The following TGFBRAP1 variants were observed in gnomAD, a reference collection of about 807,000 sequenced individuals.
The protein encoded by TGFBRAP1 is transforming growth factor beta receptor associated protein 1.
Under a neutral mutation model 83.2 loss-of-function variants are expected in TGFBRAP1, and 20 were observed. The ratio of observed to expected loss-of-function variants is 0.24; its 90% CI spans 0.17 to 0.35. The LOEUF (loss-of-function observed/expected upper bound fraction) is 0.35. Among genes scored for constraint, TGFBRAP1 ranks in the 10% least tolerant of loss-of-function variants. The pLI is 1.00. For missense variants in TGFBRAP1, 950 were observed against 1,099.4 expected (o/e 0.86, Z 1.92); for synonymous variants, 415 against 459.8 (o/e 0.90, Z 1.25).
intron 1 of TGFBRAP1, among the ~76,000 whole-genome samples, chr2:105,315,924 T>C (rs1384803441): frequency 6.6e-6 from 1 of 152,172 alleles, no homozygotes; most frequent in Non-Finnish European, 1.5e-5. Flanking sequence ...CTTATTCATA[T>C]TACCCAAAAA....
At chr2:105,319,993 A>G (rs914116447) in intron 1 of TGFBRAP1, among the ~76,000 whole-genome samples, 8 of 152,060 alleles carry the variant, frequency 5.3e-5, no homozygotes, top group Admixed American at 4.6e-4. Flanking sequence ...AGAGATAAAT[A>G]TATTCTGCCA....
chr2:105,307,589 A>G, intron 2 of TGFBRAP1, 25 bp downstream of exon 2: 1 of 1,576,776 alleles, frequency 6.3e-7, no homozygotes, highest in Non-Finnish European at 8.6e-7. Context: ...CAAAAAGATC[A>G]GGCGCACAAA....
At chr2:105,274,223 G>A (rs529461432) in intron 8 of TGFBRAP1, among the ~76,000 whole-genome samples, 7 of 152,142 alleles carry the variant, frequency 4.6e-5, no homozygotes, top group African/African-American at 1.2e-4. Context: ...GTAAGTTTCC[G>A]GGCTGCCTTC....
Position 105,264,724 on chromosome 2 carries a change from G to A in TGFBRAP1, c.*2659C>T, listed in dbSNP as rs1676863885. The A allele has an allele frequency of 6.6e-6, 1 of 152,224 alleles. No individual in the cohort carries two copies. Among genetic ancestry groups the A allele is most frequent in the South Asian group, 2.1e-4 (1 of 4,830 alleles). The allele number at this position is 152,224 out of a possible 1,614,324, so 9.4% of individuals were successfully genotyped here. On this transcript the variant is annotated 3_prime_UTR_variant, in exon 12 of 12. Transcript: ENST00000393359. ...GTTGAACTCAGCCCAGTGCAACGCA[G>A]CCTGAGTGACATCCCTACATTAATA...
chr2:105,321,498 C>A (rs1339873106), intron 1 of TGFBRAP1, among the ~76,000 whole-genome samples: 1 of 152,032 alleles, frequency 6.6e-6, no homozygotes, highest in Non-Finnish European at 1.5e-5. Context: ...TTCTATTTTG[C>A]CATTTTAATA....
chr2:105,299,961 TGTA>T (rs1678228498), intron 2 of TGFBRAP1, among the ~76,000 whole-genome samples: 1 of 152,210 alleles, frequency 6.6e-6, no homozygotes, highest in African/African-American at 2.4e-5. Context: ...CTATTGTTTC[TGTA>T]GTGCTGCAGG....
rs538331181 is a variant in TGFBRAP1 at position 105,269,146 on chromosome 2, T to C, written c.2406+126A>G. 3.3e-5 allele frequency: 39 copies of C among 1,199,182 alleles called. No individual in the cohort carries two copies. The Admixed American group carries it at 3.8e-4, about 12-fold the overall frequency. The allele number at this position is 1,199,182 out of a possible 1,614,324, so 74.3% of individuals were successfully genotyped here. On this transcript the variant is annotated intron_variant, in intron 11 of 11. Coordinates refer to ENST00000393359, the MANE Select transcript of TGFBRAP1 (RefSeq NM_004257.6). The surrounding 1 kb of genome is among the most constrained non-coding windows in gnomAD (Gnocchi z 4.1). ...CAGTTTCTATGAGTAGGATCAGATA[T>C]TGATGTGTTGTAGTCATAGAGACAG...
At chr2:105,301,775 T>C (rs1007528285) in intron 2 of TGFBRAP1, among the ~76,000 whole-genome samples, 5 of 152,144 alleles carry the variant, frequency 3.3e-5, no homozygotes, top group Admixed American at 6.5e-5. Context: ...TTGCACAGGC[T>C]GGAGTGTAGT....
At chr2:105,283,589 G>A (rs1050563397) in intron 5 of TGFBRAP1, among the ~76,000 whole-genome samples, 14 of 152,218 alleles carry the variant, frequency 9.2e-5, no homozygotes, top group African/African-American at 3.4e-4. Context: ...CTCATAGCAG[G>A]TCTAACTTAA....
intron 4 of TGFBRAP1, among the ~76,000 whole-genome samples, chr2:105,290,677 T>A (rs1017555605): frequency 8.6e-5 from 13 of 151,396 alleles, no homozygotes; most frequent in Non-Finnish European, 1.9e-4. Context: ...GTTTTCTTTG[T>A]GGATTCTGGG....
rs768922789 is a variant in TGFBRAP1, at chr2:105,273,554, T to C, written c.1802A>G (p.Lys601Arg). The change falls in exon 9 of 12, where the codon AAG becomes AGG. Residue 601 changes from lysine (K) to arginine (R), a missense_variant. Transcript: ENST00000393359. ...VKYLEHLVID[K>R]RLQKEEYHTH... is the part of the protein sequence containing the mutation. The stretch of plus-strand genomic sequence containing the variant: ...TTCTGCAGTGCTCACCTGCAGTCTC[T>C]TGTCTATCACAAGATGTTCCAGATA... 16 of 1,614,030 alleles carry C rather than the reference T, an allele frequency of 9.9e-6. No individual in the cohort carries two copies. The highest frequency in any genetic ancestry group is 3.3e-5 in the South Asian group (3 of 91,060).
At chr2:105,303,185 C>G (rs1678361049) in intron 2 of TGFBRAP1, among the ~76,000 whole-genome samples, 1 of 152,222 alleles carries the variant, frequency 6.6e-6, no homozygotes, top group African/African-American at 2.4e-5. Context: ...GTCCCAGCTA[C>G]CTGGGAAGCT....
At chr2:105,320,151 G>A (rs1679012831) in intron 1 of TGFBRAP1, among the ~76,000 whole-genome samples, 1 of 152,038 alleles carries the variant, frequency 6.6e-6, no homozygotes, top group African/African-American at 2.4e-5. Context: ...TGTCCTACGT[G>A]TCTGCAAAAA....
At position 105,328,329 on chromosome 2, in the gene TGFBRAP1, CTT is replaced by C. The variant is rs1478291404; in HGVS notation, c.-18+1294_-18+1295del. On this transcript the variant is annotated intron_variant, in intron 1 of 11. Coordinates refer to ENST00000393359, the MANE Select transcript of TGFBRAP1 (RefSeq NM_004257.6). The stretch of plus-strand genomic sequence containing the variant: ...GTTCCAGCAGATTCCAGCCAGTAGA[CTT>C]TCTAGTACTCCAGGCAGCGTTTTGC... Among the ~76,000 whole-genome samples, 5 of 152,282 alleles carry C rather than the reference CTT, an allele frequency of 3.3e-5. No individual in the cohort carries two copies. The East Asian group carries it at 9.7e-4, about 29-fold the overall frequency.
Position 105,275,575 on chromosome 2 carries a change from C to T in TGFBRAP1, c.1650G>A (p.Leu550=), listed in dbSNP as rs1402496728. 1 of 1,613,638 alleles carries T rather than the reference C, an allele frequency of 6.2e-7. No individual in the cohort carries two copies. The highest frequency in any genetic ancestry group is 8.5e-7 in the Non-Finnish European group (1 of 1,179,926). ...AAGCACAAACCTCTTCACTTTTCTG[C>T]AGGACCCAATCAGCATAGGCCCACA... ...ELVWAYADWV[L]QKSEEVGVQV... The change falls in exon 8 of 12, where the codon CTG becomes CTA. Residue 550 remains leucine (L), a synonymous_variant. Transcript: ENST00000393359.
chr2:105,276,815 C>A (rs1268128231), intron 7 of TGFBRAP1, among the ~76,000 whole-genome samples: 1 of 152,160 alleles, frequency 6.6e-6, no homozygotes, highest in African/African-American at 2.4e-5. Context: ...AATCAGGTTA[C>A]CACAATAGTC....
chr2:105,309,785 C>G (rs36062182), intron 1 of TGFBRAP1, among the ~76,000 whole-genome samples: 26,026 of 152,142 alleles, frequency 0.17, 2,777 homozygotes, highest in Middle Eastern at 0.23. Flanking sequence ...TCTGTGTCCC[C>G]CTAAAATTCA....
rs749901522 is a variant in TGFBRAP1 at position 105,280,664 on chromosome 2, G to C, written c.1181C>G (p.Ser394Cys). The change falls in exon 6 of 12, where the codon TCC becomes TGC. Residue 394 changes from serine to cysteine, a missense_variant. Ser to Cys is a moderately radical substitution (Grantham distance 112). Coordinates refer to ENST00000393359, the MANE Select transcript of TGFBRAP1 (RefSeq NM_004257.6). ...AGGGTGGGACCGGGTGAAGGAGGAG[G>C]AGGTGGGCAACAGGAAGGGGTAGAG... ...ISLYPFLLPT[S>C]SSFTRSHPPL... The C allele has an allele frequency of 6.2e-7, 1 of 1,614,200 alleles. No homozygotes were observed. Among genetic ancestry groups the C allele is most frequent in the South Asian group, 1.1e-5 (1 of 91,078 alleles).
intron 3 of TGFBRAP1, among the ~76,000 whole-genome samples, chr2:105,296,830 T>C (rs1302586880): frequency 7.5e-6 from 1 of 133,268 alleles, no homozygotes; most frequent in Non-Finnish European, 1.6e-5. Flanking sequence ...AAACGCATAA[T>C]ACATAGTCCA....
Sources: allele counts gnomAD v4.1 joint callset (sites outside exome capture counted in the v4.1 genomes callset), GRCh38; gene constraint gnomAD v4.1.1; non-coding constraint Gnocchi (gnomAD v3.1); transcripts MANE v1.5; gene names NCBI Gene and HGNC (gene_info 2026-07-23, HGNC 2026-07-21).